Variants in SEMA4A observed in about 807,000 individuals in gnomAD.
SEMA4A encodes semaphorin 4A, also known as semaphorin-4A.
In SEMA4A, 52 loss-of-function variants were observed where a neutral mutation model predicts 72.5. The observed-to-expected ratio is 0.72, with a 90% confidence interval of 0.57 to 0.90. SEMA4A has a LOEUF of 0.90. SEMA4A is among the 40% of genes least tolerant of loss of function. The pLI is 0.00. For missense variants in SEMA4A, 926 were observed against 959.7 expected (o/e 0.96, Z 0.46); for synonymous variants, 369 against 393.1 (o/e 0.94, Z 0.73).
At chr1:156,158,990 A>T in intron 6 of SEMA4A, 166 bp downstream of exon 6, 11 of 522,454 alleles carry the variant, frequency 2.1e-5, no homozygotes, top group East Asian at 4.2e-5. Flanking sequence ...GCTTGAGTTT[A>T]GGGGTTTGAG....
rs961462414 is a variant in SEMA4A, at chr1:156,157,894, G to A, written c.301-176G>A. ...AACTATGGAGCTATGTCTGATACCAGTATTATTCAAGTAATAGCCATGGTC... is the reference window on the plus strand; with the variant it reads ...AACTATGGAGCTATGTCTGATACCAATATTATTCAAGTAATAGCCATGGTC... On this transcript the variant is annotated intron_variant, in intron 3 of 14. Transcript: ENST00000368285. This position sits in a 1 kb window ranked among gnomAD's most constrained non-coding sequence, Gnocchi z 4.5. Among the ~76,000 whole-genome samples, 3 of 152,092 alleles carry A rather than the reference G, an allele frequency of 2.0e-5. No individual in the cohort carries two copies. Among genetic ancestry groups the A allele is most frequent in the African/African-American group, 7.2e-5 (3 of 41,394 alleles).
In SEMA4A at chr1:156,177,613, G is replaced by T; in HGVS notation, c.*616G>T. On this transcript the variant is annotated 3_prime_UTR_variant, in exon 15 of 15. Coordinates refer to ENST00000368285, the MANE Select transcript of SEMA4A (RefSeq NM_022367.4). The stretch of plus-strand genomic sequence containing the variant: ...CTTCTGCCCTGGCAGAATGGCAGGG[G>T]TAATCTGAGCCTTCTTCACTCCTTT... 1 of 161,454 alleles carries T rather than the reference G, an allele frequency of 6.2e-6. No individual in the cohort carries two copies. The highest frequency in any genetic ancestry group is 1.8e-4 in the South Asian group (1 of 5,582). The allele number at this position is 161,454 out of a possible 1,614,324, so 10.0% of individuals were successfully genotyped here.
intron 10 of SEMA4A, among the ~76,000 whole-genome samples, chr1:156,165,272 C>T (rs1359698655): frequency 6.6e-6 from 1 of 152,190 alleles, no homozygotes; most frequent in African/African-American, 2.4e-5. Flanking sequence ...TCCTGGAATT[C>T]CCCTGCCTCA....
chr1:156,158,215 G>A, intron 4 of SEMA4A, 83 bp downstream of exon 4: 1 of 1,505,840 alleles, frequency 6.6e-7, no homozygotes, highest in South Asian at 1.1e-5. Flanking sequence ...CTCAGGTTGG[G>A]CGGCAGTGGA....
intron 1 of SEMA4A, chr1:156,154,337 T>C (rs1652797187): frequency 6.8e-6 from 4 of 584,782 alleles, no homozygotes; most frequent in South Asian, 6.0e-5. Flanking sequence ...CTCCTACCCA[T>C]AGGGGACAGT....
chr1:156,167,778 A>T (rs1226415736), intron 10 of SEMA4A, among the ~76,000 whole-genome samples: 1 of 152,170 alleles, frequency 6.6e-6, no homozygotes, highest in Non-Finnish European at 1.5e-5. Flanking sequence ...TGTGTGAAGG[A>T]AAGACTCTTC....
intron 14 of SEMA4A, 46 bp downstream of exon 14, chr1:156,175,702 G>T: frequency 7.0e-7 from 1 of 1,421,874 alleles, no homozygotes; most frequent in African/African-American, 1.4e-5. Context: ...GGCTCTGGAA[G>T]ACTTTTGGGC....
upstream of SEMA4A, chr1:156,147,449 G>T (rs1418027778): frequency 6.6e-6 from 1 of 151,880 alleles, no homozygotes; most frequent in Non-Finnish European, 1.5e-5. Context: ...TAAAAGTGGT[G>T]GGGAAGGGGG....
In SEMA4A at chr1:156,176,954, A is replaced by G. The variant is rs755921007; in HGVS notation, c.2243A>G (p.Asp748Gly). 28 of 1,613,392 alleles carry G rather than the reference A, an allele frequency of 1.7e-5. No homozygotes were observed. Among genetic ancestry groups the G allele is most frequent in the South Asian group, 1.1e-4 (10 of 91,088 alleles). Residue 748 changes from aspartate (D) to glycine (G), a missense_variant, in exon 15 of 15, where the codon GAT (aspartate) becomes GGT (glycine). Physicochemically the swap from Asp to Gly is moderately conservative, Grantham distance 94 (BLOSUM62 -1). Coordinates refer to ENST00000368285, the MANE Select transcript of SEMA4A (RefSeq NM_022367.4). ...AAGGAATGCAGGACCTCTGCCAGTGATGTGGACGCTGACAACAACTGCCTA... is the reference window on the plus strand; with the variant it reads ...AAGGAATGCAGGACCTCTGCCAGTGGTGTGGACGCTGACAACAACTGCCTA... ...SPKECRTSAS[D>G]VDADNNCLGT...
At chr1:156,173,846 A>T (rs1205705986) in intron 11 of SEMA4A, among the ~76,000 whole-genome samples, 1 of 152,166 alleles carries the variant, frequency 6.6e-6, no homozygotes, top group East Asian at 1.9e-4. Flanking sequence ...ACAGTGGCTC[A>T]CGCCTGTAAT....
At chr1:156,151,355 C>T (rs1023567413), upstream of SEMA4A, among the ~76,000 whole-genome samples, 2 of 152,198 alleles carry the variant, frequency 1.3e-5, no homozygotes, top group Non-Finnish European at 2.9e-5. Context: ...GGCAGTGGGG[C>T]TTGGGGTCTG....
chr1:156,159,840 C>T (rs951608473), intron 6 of SEMA4A, among the ~76,000 whole-genome samples: 3 of 149,540 alleles, frequency 2.0e-5, no homozygotes, highest in East Asian at 4.0e-4. Flanking sequence ...GTGGGAGGAT[C>T]GCTTGAGATG....
In SEMA4A at chr1:156,173,982, G is replaced by A. The variant is rs1655061019; in HGVS notation, c.1316-840G>A. On this transcript the variant is annotated intron_variant, in intron 11 of 14. Coordinates refer to ENST00000368285, the MANE Select transcript of SEMA4A (RefSeq NM_022367.4). ...ACAAATTAGCAGTGTGTAGTGGCAC[G>A]CACCTGTAATCCCAGCTACTCGGGA... is the stretch of plus-strand genomic sequence containing the variant. Among the ~76,000 whole-genome samples the A allele has an allele frequency of 2.0e-5, 3 of 152,092 alleles. No individual in the cohort carries two copies. The South Asian group carries it at 6.2e-4, about 32-fold the overall frequency.
intron 11 of SEMA4A, among the ~76,000 whole-genome samples, chr1:156,174,563 T>C (rs1419567598): frequency 2.0e-5 from 3 of 152,218 alleles, no homozygotes; most frequent in African/African-American, 7.2e-5. Flanking sequence ...TTCATGCCTA[T>C]GGAGAAATAG....
intron 2 of SEMA4A, chr1:156,155,737 C>G (rs1245105080): frequency 6.0e-6 from 1 of 166,438 alleles, no homozygotes; most frequent in Non-Finnish European, 1.3e-5. Flanking sequence ...GAGAGAGGAT[C>G]TGAGGAGCTC....
intron 10 of SEMA4A, among the ~76,000 whole-genome samples, chr1:156,165,911 T>TTC (rs1470024011): frequency 6.9e-6 from 1 of 145,262 alleles, no homozygotes; most frequent in East Asian, 2.0e-4. Context: ...TATCTTCTTT[T>TTC]TTTTTTTTTT....
intron 10 of SEMA4A, among the ~76,000 whole-genome samples, chr1:156,167,991 G>A (rs1170340983): frequency 6.6e-6 from 1 of 152,104 alleles, no homozygotes; most frequent in African/African-American, 2.4e-5. Flanking sequence ...CGCGATCTTA[G>A]CTCACTGCAA....
chr1:156,160,506 C>T lies in SEMA4A; in HGVS notation c.632C>T (p.Thr211Ile), dbSNP rs1653487064. The T allele has an allele frequency of 6.2e-7, 1 of 1,614,036 alleles. No homozygotes were observed. The highest frequency in any genetic ancestry group is 8.5e-7 in the Non-Finnish European group (1 of 1,180,046). The change falls in exon 7 of 15, where the codon ACA (threonine) becomes ATA (isoleucine). Residue 211 changes from threonine to isoleucine, a missense_variant. By Grantham distance (89) the Thr-to-Ile change is moderately conservative. Coordinates refer to ENST00000368285, the MANE Select transcript of SEMA4A (RefSeq NM_022367.4). ...FLGSEPILMR[T>I]LGSQPVLKTD... ...GGCAGTGAGCCCATCCTGATGCGCACACTGGGATCCCAGCCTGTCCTCAAG... is the reference window on the plus strand; with the variant it reads ...GGCAGTGAGCCCATCCTGATGCGCATACTGGGATCCCAGCCTGTCCTCAAG...
intron 10 of SEMA4A, among the ~76,000 whole-genome samples, chr1:156,171,987 T>C (rs1401688684): frequency 1.3e-5 from 2 of 152,042 alleles, no homozygotes; most frequent in Non-Finnish European, 2.9e-5. Context: ...GGTTTCACCA[T>C]GTTAGCCAGG....
Sources: allele counts gnomAD v4.1 joint callset (sites outside exome capture counted in the v4.1 genomes callset), GRCh38; gene constraint gnomAD v4.1.1; non-coding constraint Gnocchi (gnomAD v3.1); transcripts MANE v1.5; gene names NCBI Gene and HGNC (gene_info 2026-07-23, HGNC 2026-07-21).